INPP5A: variants seen among roughly 807,000 people sequenced by gnomAD.
INPP5A encodes 43 kDa inositol polyphosphate 5-phophatase.
INPP5A carries 14 observed loss-of-function variants against 65.2 expected under a neutral mutation model. The ratio of observed to expected loss-of-function variants is 0.21; its 90% CI spans 0.14 to 0.34. The LOEUF is 0.34. Ranked by LOEUF, INPP5A falls within the 10% of genes least tolerant of loss-of-function variation. The pLI is 1.00. For missense variants in INPP5A, 431 were observed against 545.6 expected, an observed-to-expected ratio of 0.79 and a Z score of 2.09; for synonymous variants, 207 against 208.3, an observed-to-expected ratio of 0.99 and a Z score of 0.05.
At position 132,780,891 on chromosome 10, in the gene INPP5A, C is replaced by T. The variant is rs1484818377; in HGVS notation, c.1132C>T (p.Pro378Ser). ...EKVVTYDHIG[P>S]NVCMGDHKPV... ...GGTTGTCACCTATGACCACATTGGG[C>T]CCAACGTCTGCATGGGAGACCACAA... is the stretch of plus-strand genomic sequence containing the variant. The change falls in exon 14 of 16, where the codon CCC (proline) becomes TCC (serine). Residue 378 changes from proline to serine, a missense_variant. Coordinates refer to ENST00000368594, the MANE Select transcript of INPP5A (RefSeq NM_005539.5). 1.9e-6 allele frequency: 3 copies of T among 1,613,146 alleles called. No homozygotes were observed. The highest frequency in any genetic ancestry group is 2.5e-6 in the Non-Finnish European group (3 of 1,179,846).
At chr10:132,723,866 C>T (rs560512972) in intron 8 of INPP5A, among the ~76,000 whole-genome samples, 1 of 149,172 alleles carries the variant, frequency 6.7e-6, no homozygotes, top group Non-Finnish European at 1.5e-5. Flanking sequence ...CATGCACCCT[C>T]CGAGCTTTCT....
At chr10:132,623,248 C>A (rs1215356573) in intron 2 of INPP5A, among the ~76,000 whole-genome samples, 2 of 152,126 alleles carry the variant, frequency 1.3e-5, no homozygotes, top group Non-Finnish European at 2.9e-5. Context: ...TCAAGACATA[C>A]CATAAAGCTG....
chr10:132,754,864 C>T (rs561912529), intron 11 of INPP5A, among the ~76,000 whole-genome samples: 55 of 152,312 alleles, frequency 3.6e-4, no homozygotes, highest in South Asian at 8.3e-4. Context: ...TGTGTGTCAG[C>T]GTGTGTGCGT....
At position 132,680,932 on chromosome 10, in the gene INPP5A, C is replaced by T. The variant is rs554654163; in HGVS notation, c.307-9460C>T. On this transcript the variant is annotated intron_variant, in intron 4 of 15. Coordinates refer to ENST00000368594, the MANE Select transcript of INPP5A (RefSeq NM_005539.5). ...CTGCAGCCCGCCATGCCTGAGCCTC[C>T]CACCCGCTCCGTGGGCTCCTGTGCG... is the stretch of plus-strand genomic sequence containing the variant. Among the ~76,000 whole-genome samples the T allele has an allele frequency of 2.0e-3, 309 of 152,368 alleles. 3 individuals are homozygous for T. The highest frequency in any genetic ancestry group is 2.8e-3 in the Non-Finnish European group (193 of 68,026).
At position 132,697,626 on chromosome 10, in the gene INPP5A, T is replaced by C. The variant is rs1845365925; in HGVS notation, c.371-190T>C. ...TTCCAGGTCATGGGAGGGGAATTTA[T>C]GAGCCACAGGCATGGAGTAGCCGGC... is the stretch of plus-strand genomic sequence containing the variant. On this transcript the variant is annotated intron_variant, in intron 5 of 15. Transcript: ENST00000368594. This position sits in a 1 kb window ranked among gnomAD's most constrained non-coding sequence, Gnocchi z 5.6. Among the ~76,000 whole-genome samples the C allele has an allele frequency of 6.6e-6, 1 of 152,080 alleles. No individual in the cohort carries two copies. Among genetic ancestry groups the C allele is most frequent in the Non-Finnish European group, 1.5e-5 (1 of 68,016 alleles).
chr10:132,655,925 A>G (rs1320520273), intron 4 of INPP5A, among the ~76,000 whole-genome samples: 1 of 152,256 alleles, frequency 6.6e-6, no homozygotes, highest in African/African-American at 2.4e-5. Flanking sequence ...CCTGGGCTCT[A>G]GTCCCATTGA....
chr10:132,732,976 A>G (rs1198583301), intron 9 of INPP5A, among the ~76,000 whole-genome samples: 1 of 152,102 alleles, frequency 6.6e-6, no homozygotes, highest in Admixed American at 6.6e-5. Flanking sequence ...TTATTCTCTC[A>G]CAGTCCTGGA....
At chr10:132,615,858 G>T (rs573650865) in intron 2 of INPP5A, among the ~76,000 whole-genome samples, 2 of 152,262 alleles carry the variant, frequency 1.3e-5, no homozygotes, top group Non-Finnish European at 2.9e-5. Context: ...CCAGGCTGGG[G>T]CAAGGGGGTG....
chr10:132,642,988 G>A (rs2072446418), intron 2 of INPP5A, among the ~76,000 whole-genome samples: 3 of 152,198 alleles, frequency 2.0e-5, no homozygotes. Context: ...AGGTCGCTCT[G>A]TGGGAGATGT....
Position 132,765,767 on chromosome 10 carries a change from C to G in INPP5A, c.904-6C>G, listed in dbSNP as rs1401546612. 6.3e-7 allele frequency: 1 copy of G among 1,580,628 alleles called. No homozygotes were observed. The highest frequency in any genetic ancestry group is 2.2e-5 in the East Asian group (1 of 44,712). On this transcript the variant is annotated splice_region_variant and splice_polypyrimidine_tract_variant and intron_variant, in intron 11 of 15. Coordinates refer to ENST00000368594, the MANE Select transcript of INPP5A (RefSeq NM_005539.5). Reference sequence around the variant, plus strand: ...GACTTTATTTTCTGCTCTTTCTTTTCTTTAGCTCTTGGAGTTTGACAAGGA... The same window carrying G: ...GACTTTATTTTCTGCTCTTTCTTTTGTTTAGCTCTTGGAGTTTGACAAGGA...
chr10:132,609,468 C>T (rs995753161), intron 2 of INPP5A, among the ~76,000 whole-genome samples: 5 of 152,162 alleles, frequency 3.3e-5, no homozygotes, highest in African/African-American at 4.8e-5. Context: ...GCAGAACCTT[C>T]GTCCTCTCCT....
chr10:132,638,198 C>A (rs2072381702), intron 2 of INPP5A, among the ~76,000 whole-genome samples: 1 of 152,112 alleles, frequency 6.6e-6, no homozygotes, highest in South Asian at 2.1e-4. Flanking sequence ...AAATATTTTT[C>A]TCTTCTTCGT....
chr10:132,588,717 A>G (rs974474277), intron 1 of INPP5A, among the ~76,000 whole-genome samples: 3 of 152,156 alleles, frequency 2.0e-5, no homozygotes, highest in Admixed American at 6.5e-5. Flanking sequence ...GTTTTAAGGA[A>G]GTCTTTGGAA....
At chr10:132,723,115 G>A (rs1035636913) in intron 8 of INPP5A, among the ~76,000 whole-genome samples, 1 of 152,236 alleles carries the variant, frequency 6.6e-6, no homozygotes, top group African/African-American at 2.4e-5. Flanking sequence ...CCAGTTTAGG[G>A]TTTCATGATG....
chr10:132,543,526 C>T (rs1188888499), intron 1 of INPP5A, among the ~76,000 whole-genome samples: 1 of 152,242 alleles, frequency 6.6e-6, no homozygotes, highest in Non-Finnish European at 1.5e-5. Context: ...AAGTGATCCT[C>T]CTGCCTTAGC....
At chr10:132,610,357 T>TGGGGGTG (rs1253244246) in intron 2 of INPP5A, among the ~76,000 whole-genome samples, 3 of 142,318 alleles carry the variant, frequency 2.1e-5, no homozygotes, top group Admixed American at 6.9e-5. Context: ...AGCCCAGTGA[T>TGGGGGTG]GGGGGTGGGG....
intron 8 of INPP5A, among the ~76,000 whole-genome samples, chr10:132,716,488 G>A (rs1450962449): frequency 6.6e-6 from 1 of 152,236 alleles, no homozygotes; most frequent in African/African-American, 2.4e-5. Flanking sequence ...TCCAGCCACG[G>A]TGCTCGGTCA....
rs2070873915 is a variant in INPP5A at position 132,538,803 on chromosome 10, T to C, written c.75+632T>C. Among the ~76,000 whole-genome samples, 1 of 152,162 alleles carries C rather than the reference T, an allele frequency of 6.6e-6. No homozygotes were observed. The highest frequency in any genetic ancestry group is 2.4e-5 in the African/African-American group (1 of 41,434). ...CCCAGGAACTTCTGACACAGGGCTG[T>C]GGCCCCAACCTCCTGTCCCTGTTCC... On this transcript the variant is annotated intron_variant, in intron 1 of 15. Transcript: ENST00000368594. The surrounding 1 kb of genome is among the most constrained non-coding windows in gnomAD (Gnocchi z 4.1).
At chr10:132,751,223 C>T (rs758136027) in intron 11 of INPP5A, among the ~76,000 whole-genome samples, 4 of 152,254 alleles carry the variant, frequency 2.6e-5, no homozygotes, top group Non-Finnish European at 4.4e-5. Context: ...CCCACACCTC[C>T]GTGGTGCCTG....
Sources: gnomAD v4.1 joint callset for allele counts (sites outside exome capture counted in the v4.1 genomes callset) on GRCh38, gnomAD v4.1.1 for gene constraint, Gnocchi (gnomAD v3.1) non-coding constraint, MANE v1.5 for transcripts, NCBI Gene and HGNC (gene_info 2026-07-23, HGNC 2026-07-21) for gene names.